WWOX: variants seen among roughly 807,000 people sequenced by gnomAD.
The protein encoded by WWOX is WW domain-containing oxidoreductase.
In WWOX, 69 loss-of-function variants were observed where a neutral mutation model predicts 46.2. The observed-to-expected ratio is 1.49, with a 90% CI of 1.23 to 1.82. The LOEUF (loss-of-function observed/expected upper bound fraction) is 1.82. WWOX is among the 40% of genes most tolerant of loss of function. WWOX has a pLI of 0.00. For missense variants in WWOX, 919 were observed against 542.6 expected (o/e 1.69, Z -6.89); for synonymous variants, 359 against 202.6 (o/e 1.77, Z -6.56).
At chr16:79,101,419 G>C (rs1429813228) in intron 8 of WWOX, 2 of 152,140 alleles carry the variant, frequency 1.3e-5, no homozygotes, top group Non-Finnish European at 2.9e-5. Context: ...ACAAATAGAT[G>C]AAAGTTGGGT....
chr16:78,535,510 G>A (rs972413547), intron 8 of WWOX: 2 of 151,992 alleles, frequency 1.3e-5, no homozygotes, highest in African/African-American at 4.8e-5. Context: ...CCATTACCTT[G>A]AAGTAGAGGG....
chr16:78,241,733 C>T (rs1264651136), intron 5 of WWOX, among the ~76,000 whole-genome samples: 2 of 152,172 alleles, frequency 1.3e-5, no homozygotes, highest in Non-Finnish European at 2.9e-5. Flanking sequence ...AACCACCACG[C>T]CCCTCACGCG....
At chr16:78,880,471 T>A (rs1597099048) in intron 8 of WWOX, among the ~76,000 whole-genome samples, 1 of 152,304 alleles carries the variant, frequency 6.6e-6, no homozygotes, top group East Asian at 1.9e-4. Flanking sequence ...CTTCTCTGTT[T>A]AAATAGTCTA....
chr16:78,968,732 G>A (rs1019351959), intron 8 of WWOX, among the ~76,000 whole-genome samples: 1 of 152,104 alleles, frequency 6.6e-6, no homozygotes, highest in Non-Finnish European at 1.5e-5. Flanking sequence ...TTGAAACCAT[G>A]CTCATTGGTT....
At chr16:79,110,116 C>G (rs923459480) in intron 8 of WWOX, among the ~76,000 whole-genome samples, 1 of 152,182 alleles carries the variant, frequency 6.6e-6, no homozygotes, top group Non-Finnish European at 1.5e-5. Flanking sequence ...CCCAGGACCC[C>G]CATTTAATCA....
At chr16:78,893,524 C>T (rs2044636182) in intron 8 of WWOX, among the ~76,000 whole-genome samples, 1 of 152,220 alleles carries the variant, frequency 6.6e-6, no homozygotes, top group Non-Finnish European at 1.5e-5. Context: ...GCCTAAGACA[C>T]TTCCTCCTCC....
At chr16:79,000,968 A>G (rs1597258443) in intron 8 of WWOX, among the ~76,000 whole-genome samples, 2 of 152,096 alleles carry the variant, frequency 1.3e-5, no homozygotes, top group Non-Finnish European at 2.9e-5. Flanking sequence ...CAACTATGAG[A>G]TTCCTAGGGC....
At chr16:78,174,869 T>A (rs555613159) in intron 5 of WWOX, among the ~76,000 whole-genome samples, 1 of 152,196 alleles carries the variant, frequency 6.6e-6, no homozygotes, top group South Asian at 2.1e-4. Context: ...GCGCCTTTAG[T>A]CCCAGCTACT....
At chr16:78,160,792 T>G (rs1345386641) in intron 4 of WWOX, among the ~76,000 whole-genome samples, 17 of 152,206 alleles carry the variant, frequency 1.1e-4, no homozygotes, top group Admixed American at 1.1e-3. Context: ...ATTCAATTAT[T>G]TTCAGTTTAT....
chr16:78,739,430 A>G (rs964440766), intron 8 of WWOX, among the ~76,000 whole-genome samples: 1 of 152,174 alleles, frequency 6.6e-6, no homozygotes, highest in African/African-American at 2.4e-5. Context: ...CACACTACAC[A>G]TCTTCGGTTC....
At chr16:79,051,456 C>G (rs956976712) in intron 8 of WWOX, among the ~76,000 whole-genome samples, 2 of 151,694 alleles carry the variant, frequency 1.3e-5, no homozygotes, top group Non-Finnish European at 2.9e-5. Flanking sequence ...CAACGAAGAC[C>G]TTTTGAGGTT....
rs193032490 is a variant in WWOX at position 78,540,088 on chromosome 16, C to G, written c.1056+107336C>G. On this transcript the variant is annotated intron_variant, in intron 8 of 8. Coordinates refer to ENST00000566780, the MANE Select transcript of WWOX (RefSeq NM_016373.4). ...CAATATAAACTGTAGAGTTAACATT[C>G]TTTTTCCACCCTCACACTTTTTTTA... is the stretch of plus-strand genomic sequence containing the variant. Among the ~76,000 whole-genome samples, 770 of 151,346 alleles carry G rather than the reference C, an allele frequency of 5.1e-3. 11 individuals carry two copies. Among genetic ancestry groups the G allele is most frequent in the African/African-American group, 0.018 (740 of 41,216 alleles).
chr16:78,871,805 AT>A (rs2044134682), intron 8 of WWOX, among the ~76,000 whole-genome samples: 1 of 152,106 alleles, frequency 6.6e-6, no homozygotes, highest in South Asian at 2.1e-4. Context: ...GTTTCACCAT[AT>A]TGGCCAGGCT....
At chr16:78,727,482 T>C (rs1004561643) in intron 8 of WWOX, among the ~76,000 whole-genome samples, 1 of 152,058 alleles carries the variant, frequency 6.6e-6, no homozygotes, top group East Asian at 1.9e-4. Flanking sequence ...ACTGCCAGGG[T>C]ACGTGTTTCC....
intron 8 of WWOX, among the ~76,000 whole-genome samples, chr16:78,963,014 A>G (rs2046300431): frequency 6.6e-6 from 1 of 152,162 alleles, no homozygotes; most frequent in Non-Finnish European, 1.5e-5. Context: ...AACAGTTTGT[A>G]TTATGAAAAA....
chr16:79,002,311 C>A (rs901164486), intron 8 of WWOX, among the ~76,000 whole-genome samples: 17 of 144,580 alleles, frequency 1.2e-4, no homozygotes, highest in African/African-American at 4.1e-4. Flanking sequence ...GCAGCCTCCA[C>A]CTTCCAAGTT....
chr16:78,894,411 T>C (rs1403868954), intron 8 of WWOX, among the ~76,000 whole-genome samples: 2 of 152,216 alleles, frequency 1.3e-5, no homozygotes, highest in Non-Finnish European at 2.9e-5. Flanking sequence ...TCAGTGATGC[T>C]TAAGCATGTA....
At chr16:78,842,590 A>T (rs1179936924) in intron 8 of WWOX, among the ~76,000 whole-genome samples, 1 of 152,220 alleles carries the variant, frequency 6.6e-6, no homozygotes, top group East Asian at 1.9e-4. Context: ...GGAGTTGGGC[A>T]TGCTGGCTCA....
chr16:78,363,500 A>T (rs4076154), intron 5 of WWOX, among the ~76,000 whole-genome samples: 95,086 of 151,836 alleles, frequency 0.63, 31,854 homozygotes, highest in Non-Finnish European at 0.77. Flanking sequence ...GCTGTCCTTG[A>T]ACTCCTGGGC....
Sources: gnomAD v4.1 joint callset for allele counts (sites outside exome capture counted in the v4.1 genomes callset) on GRCh38, gnomAD v4.1.1 for gene constraint, MANE v1.5 for transcripts, NCBI Gene and HGNC (gene_info 2026-07-23, HGNC 2026-07-21) for gene names.